The following ELK3 variants were observed in gnomAD, a reference collection of about 807,000 sequenced individuals.
The protein encoded by ELK3 is ETS transcription factor ELK3.
A neutral mutation model predicts 28.9 loss-of-function variants in ELK3; 10 were observed. The ratio of observed to expected loss-of-function variants is 0.35; its 90% CI spans 0.21 to 0.59. ELK3 has a LOEUF of 0.59. Ranked by LOEUF, ELK3 falls within the 20% of genes least tolerant of loss-of-function variation. ELK3 has a pLI of 0.82. For missense variants in ELK3, 463 were observed against 517.3 expected (o/e 0.90, Z 1.02); for synonymous variants, 272 against 243.5 (o/e 1.12, Z -1.09).
chr12:96,238,659 C>T (rs1054693531), intron 2 of ELK3, among the ~76,000 whole-genome samples: 2 of 152,212 alleles, frequency 1.3e-5, no homozygotes, highest in Non-Finnish European at 2.9e-5. Context: ...CTGGGTCCCC[C>T]GTGCCTCATG....
chr12:96,220,601 C>T (rs1951655521), intron 1 of ELK3, among the ~76,000 whole-genome samples: 1 of 151,922 alleles, frequency 6.6e-6, no homozygotes, highest in East Asian at 1.9e-4. Context: ...GTTGGCCAGG[C>T]TGGTCTTGAA....
At chr12:96,233,407 G>GA (rs1234404060) in intron 2 of ELK3, among the ~76,000 whole-genome samples, 1 of 152,158 alleles carries the variant, frequency 6.6e-6, no homozygotes, top group African/African-American at 2.4e-5. Flanking sequence ...GTGATAGGAT[G>GA]AAAAATCCTC....
At chr12:96,236,601 T>C (rs1192116386) in intron 2 of ELK3, among the ~76,000 whole-genome samples, 3 of 152,174 alleles carry the variant, frequency 2.0e-5, no homozygotes, top group Non-Finnish European at 4.4e-5. Flanking sequence ...TGTGTGTGTG[T>C]GCACACTCCA....
chr12:96,198,841 T>TA (rs1476954241), intron 1 of ELK3, among the ~76,000 whole-genome samples: 1 of 152,230 alleles, frequency 6.6e-6, no homozygotes, highest in African/African-American at 2.4e-5. Context: ...ACACTGTACT[T>TA]ACTGTTTTAT....
At chr12:96,218,057 A>G (rs1308331860) in intron 1 of ELK3, among the ~76,000 whole-genome samples, 1 of 152,054 alleles carries the variant, frequency 6.6e-6, no homozygotes, top group African/African-American at 2.4e-5. Context: ...AAATCATCTA[A>G]CTTCACTCTA....
intron 1 of ELK3, among the ~76,000 whole-genome samples, chr12:96,214,274 T>C (rs889677653): frequency 3.3e-5 from 5 of 151,734 alleles, no homozygotes; most frequent in Non-Finnish European, 7.4e-5. Context: ...CTACTAAAAA[T>C]ACAAAAATGA....
At chr12:96,217,395 T>C (rs560286858) in intron 1 of ELK3, among the ~76,000 whole-genome samples, 2 of 152,382 alleles carry the variant, frequency 1.3e-5, no homozygotes, top group Admixed American at 1.3e-4. Flanking sequence ...TTCTCGTCTA[T>C]AGACAGCCAA....
chr12:96,232,899 T>C (rs1279334179), intron 2 of ELK3, among the ~76,000 whole-genome samples: 1 of 152,156 alleles, frequency 6.6e-6, no homozygotes, highest in Non-Finnish European at 1.5e-5. Flanking sequence ...GCCCAGGAAG[T>C]AGAGGCTGCA....
At chr12:96,202,676 G>C (rs1009510167) in intron 1 of ELK3, among the ~76,000 whole-genome samples, 3 of 151,932 alleles carry the variant, frequency 2.0e-5, no homozygotes, top group Non-Finnish European at 2.9e-5. Context: ...ACAGGCTTGT[G>C]CCACCACACC....
chr12:96,210,361 C>T (rs970433640), intron 1 of ELK3, among the ~76,000 whole-genome samples: 1 of 152,156 alleles, frequency 6.6e-6, no homozygotes, highest in Admixed American at 6.5e-5. Context: ...GGAGGCACTG[C>T]TGGGTACTAG....
intron 2 of ELK3, among the ~76,000 whole-genome samples, chr12:96,228,371 T>C (rs1253436852): frequency 7.3e-6 from 1 of 136,120 alleles, no homozygotes; most frequent in Non-Finnish European, 1.5e-5. Flanking sequence ...TGAGCCGAGA[T>C]TGCGCCACTG....
chr12:96,216,024 G>A lies in ELK3; in HGVS notation c.-2-7541G>A, dbSNP rs76885945. 2.3e-3 allele frequency among the ~76,000 whole-genome samples: 347 copies of A among 152,278 alleles called. 4 individuals carry two copies. The highest frequency in any genetic ancestry group is 7.5e-3 in the African/African-American group (313 of 41,556). ...ATAATCACTCAGAGTCTGCAAAAAT[G>A]TCCCTCCCCTCTGTGCCAGAGGTCA... is the stretch of plus-strand genomic sequence containing the variant. On this transcript the variant is annotated intron_variant, in intron 1 of 4. Transcript: ENST00000228741.
chr12:96,199,885 A>G (rs1204875666), intron 1 of ELK3, among the ~76,000 whole-genome samples: 4 of 152,174 alleles, frequency 2.6e-5, no homozygotes, highest in African/African-American at 4.8e-5. Flanking sequence ...GTGTATTCTA[A>G]TTTGAATTAG....
At chr12:96,230,111 T>A (rs1483209743) in intron 2 of ELK3, among the ~76,000 whole-genome samples, 2 of 152,224 alleles carry the variant, frequency 1.3e-5, no homozygotes, top group Non-Finnish European at 2.9e-5. Context: ...TTACTGTACC[T>A]TTTGTACGTT....
At chr12:96,261,631 A>G (rs1006230201) in intron 4 of ELK3, among the ~76,000 whole-genome samples, 1 of 152,208 alleles carries the variant, frequency 6.6e-6, no homozygotes, top group Non-Finnish European at 1.5e-5. Flanking sequence ...GGTATTTGTG[A>G]ATAATAAGTG....
At chr12:96,211,965 T>C (rs1443233565) in intron 1 of ELK3, among the ~76,000 whole-genome samples, 7 of 152,248 alleles carry the variant, frequency 4.6e-5, no homozygotes, top group African/African-American at 1.7e-4. Context: ...TGCTTAGTAT[T>C]TTTTCCCTGT....
At chr12:96,203,865 C>T (rs550256732) in intron 1 of ELK3, among the ~76,000 whole-genome samples, 2 of 152,268 alleles carry the variant, frequency 1.3e-5, no homozygotes, top group East Asian at 1.9e-4. Flanking sequence ...CGCTTGAACC[C>T]GGGCGGTGAA....
intron 2 of ELK3, among the ~76,000 whole-genome samples, chr12:96,231,058 G>A (rs1026704211): frequency 6.6e-6 from 1 of 152,238 alleles, no homozygotes; most frequent in Non-Finnish European, 1.5e-5. Flanking sequence ...GTGAGGGGCA[G>A]AAACCAGAGT....
intron 4 of ELK3, among the ~76,000 whole-genome samples, chr12:96,265,342 A>G (rs1481091408): frequency 1.3e-5 from 2 of 152,214 alleles, no homozygotes; most frequent in African/African-American, 4.8e-5. Flanking sequence ...TTCTCTTGAA[A>G]ACACCAATAA....
Sources: allele counts gnomAD v4.1 joint callset (sites outside exome capture counted in the v4.1 genomes callset), GRCh38; gene constraint gnomAD v4.1.1; transcripts MANE v1.5; gene names NCBI Gene and HGNC (gene_info 2026-07-23, HGNC 2026-07-21).